The following DAPK1 variants were observed in gnomAD, a reference collection of about 807,000 sequenced individuals.
The protein encoded by DAPK1 is death associated protein kinase 1.
In DAPK1, 56 loss-of-function variants were observed where a neutral mutation model predicts 144.9. The observed-to-expected ratio is 0.39, with a 90% confidence interval of 0.31 to 0.48. The LOEUF (loss-of-function observed/expected upper bound fraction) is 0.48. Ranked by LOEUF, DAPK1 falls within the 20% of genes least tolerant of loss-of-function variation. The probability of loss-of-function intolerance (pLI) is 0.95; values close to 1 mark genes in which losing one functional copy is unlikely to be tolerated. For missense variants in DAPK1, 1,454 were observed against 1,875.4 expected (o/e 0.78, Z 4.15); for synonymous variants, 690 against 749.0 (o/e 0.92, Z 1.29).
chr9:87,668,478 C>T (rs1453176949), intron 18 of DAPK1, 119 bp from the exon 19 acceptor site: 1 of 737,266 alleles, frequency 1.4e-6, no homozygotes, highest in South Asian at 1.5e-5. Flanking sequence ...CTTTGTCCAC[C>T]TGGCTTGCTT....
intron 3 of DAPK1, among the ~76,000 whole-genome samples, chr9:87,607,298 T>C (rs969282189): frequency 3.9e-5 from 6 of 152,176 alleles, no homozygotes; most frequent in East Asian, 1.9e-4. Context: ...AGCCTACATT[T>C]CCTGCCTTAA....
At chr9:87,500,537 C>T (rs773963558) in intron 2 of DAPK1, among the ~76,000 whole-genome samples, 4 of 151,916 alleles carry the variant, frequency 2.6e-5, no homozygotes, top group East Asian at 1.9e-4. Context: ...GTGGCCTGAT[C>T]GTTTAAGTGT....
Position 87,706,715 on chromosome 9 carries a change from T to C in DAPK1, c.3644T>C (p.Val1215Ala). The C allele has an allele frequency of 6.2e-7, 1 of 1,611,660 alleles. No individual in the cohort carries two copies. Among genetic ancestry groups the C allele is most frequent in the Non-Finnish European group, 8.5e-7 (1 of 1,178,478 alleles). Reference protein sequence around the residue: ...KIKCCLLLDSVCSTIENVMAT... With the variant: ...KIKCCLLLDSACSTIENVMAT... Reference sequence around the variant, plus strand: ...AAGTGCTGCCTGCTGCTGGACTCGGTGTGCAGCACCATTGAGAACGTCATG... The same window carrying C: ...AAGTGCTGCCTGCTGCTGGACTCGGCGTGCAGCACCATTGAGAACGTCATG... The change falls in exon 26 of 26, where the codon GTG becomes GCG. Residue 1215 changes from valine to alanine, a missense_variant. This residue lies in a region of DAPK1 where 1,025 missense variants were observed against 1,237.9 expected (regional missense o/e 0.83). Transcript: ENST00000408954. The surrounding 1 kb of genome is among the most constrained non-coding windows in gnomAD (Gnocchi z 9.0).
At chr9:87,655,340 G>A (rs1200385538) in intron 17 of DAPK1, among the ~76,000 whole-genome samples, 34 of 152,078 alleles carry the variant, frequency 2.2e-4, no homozygotes. Flanking sequence ...AAGGGTTGCT[G>A]TCAGGCTTGT....
rs1830016231 is a variant in DAPK1, at chr9:87,639,386, C to T, written c.456C>T (p.Val152=). The T allele has an allele frequency of 3.1e-6, 5 of 1,611,044 alleles. No homozygotes were observed. Among genetic ancestry groups the T allele is most frequent in the Non-Finnish European group, 4.2e-6 (5 of 1,179,064 alleles). ...ACATAATGCTTTTGGATAGAAATGT[C>T]CCCAAACCTCGGATCAAGATCATTG... ...PENIMLLDRN[V]PKPRIKIIDF... The change falls in exon 5 of 26, where the codon GTC becomes GTT. Residue 152 remains valine (V), a synonymous_variant. Transcript: ENST00000408954.
At chr9:87,698,287 G>GCA (rs1825329088) in intron 22 of DAPK1, 2 of 178,072 alleles carry the variant, frequency 1.1e-5, no homozygotes, top group South Asian at 2.9e-4. Flanking sequence ...CCATCTCTGT[G>GCA]GTGTTGCTGC....
At chr9:87,660,785 C>A (rs905924129) in intron 18 of DAPK1, among the ~76,000 whole-genome samples, 1 of 152,182 alleles carries the variant, frequency 6.6e-6, no homozygotes, top group Non-Finnish European at 1.5e-5. Flanking sequence ...CCTCCATTTC[C>A]ATCCATGTTG....
chr9:87,512,006 C>G lies in DAPK1; in HGVS notation c.62+12867C>G, dbSNP rs532690202. Among the ~76,000 whole-genome samples the G allele has an allele frequency of 1.4e-4, 22 of 152,112 alleles. 1 individual carries two copies. The highest frequency in any genetic ancestry group is 4.6e-4 in the African/African-American group (19 of 41,482). On this transcript the variant is annotated intron_variant, in intron 2 of 25. Transcript: ENST00000408954. ...GGATTGCAGGTGTGAGCCACCACGC[C>G]CGGCCTGATTTTATTTTTCTAGCTT...
At chr9:87,548,913 C>CTTTTTTTTTTTTTTTTTT in intron 2 of DAPK1, among the ~76,000 whole-genome samples, 1 of 63,846 alleles carries the variant, frequency 1.6e-5, no homozygotes, top group Non-Finnish European at 2.6e-5. Flanking sequence ...GATTTCATTC[C>CTTTTTTTTTTTTTTTTTT]TTTTTTTTTT....
intron 19 of DAPK1, among the ~76,000 whole-genome samples, chr9:87,670,247 T>C (rs1831210363): frequency 6.6e-6 from 1 of 151,858 alleles, no homozygotes; most frequent in African/African-American, 2.4e-5. Flanking sequence ...TCATAGAGTT[T>C]CCTAAGTTTA....
At chr9:87,640,872 T>G in intron 9 of DAPK1, 25 bp downstream of exon 9, 1 of 1,611,412 alleles carries the variant, frequency 6.2e-7, no homozygotes, top group Non-Finnish European at 8.5e-7. Context: ...ACGAAACTGT[T>G]TAGATCACTT....
chr9:87,547,234 A>G (rs1029236938), intron 2 of DAPK1, among the ~76,000 whole-genome samples: 5 of 152,220 alleles, frequency 3.3e-5, no homozygotes, highest in African/African-American at 9.6e-5. Flanking sequence ...AAAATAATCA[A>G]TAAAATCCTG....
intron 2 of DAPK1, among the ~76,000 whole-genome samples, chr9:87,589,498 G>C (rs1176137210): frequency 6.6e-6 from 1 of 152,032 alleles, no homozygotes; most frequent in Non-Finnish European, 1.5e-5. Context: ...CCATCAGCAG[G>C]GAGATTACAC....
intron 3 of DAPK1, among the ~76,000 whole-genome samples, chr9:87,616,914 A>G (rs915452364): frequency 9.9e-5 from 15 of 152,226 alleles, no homozygotes; most frequent in Non-Finnish European, 2.1e-4. Context: ...TTCAGTCTCT[A>G]TGAGCAGCCT....
chr9:87,661,649 C>T (rs532957444), intron 18 of DAPK1, among the ~76,000 whole-genome samples: 113 of 152,106 alleles, frequency 7.4e-4, no homozygotes, highest in Non-Finnish European at 1.3e-3. Flanking sequence ...TGTCCTTAGC[C>T]CACTTTTAAG....
At position 87,707,359 on chromosome 9, in the gene DAPK1, C is replaced by T. The variant is rs781391671; in HGVS notation, c.4288C>T (p.Arg1430Trp). 8.2e-6 allele frequency: 13 copies of T among 1,594,896 alleles called. No individual in the cohort carries two copies. Among genetic ancestry groups the T allele is most frequent in the Admixed American group, 1.7e-5 (1 of 59,244 alleles). ...CAATTCCATTAGCTCTGTTGTATCC[C>T]GGTGAGGGCAGCCTCTGGCTTGGGC... Reference protein sequence around the residue: ...SYNSISSVVSR With the variant: ...SYNSISSVVSW Residue 1430 changes from arginine to tryptophan, a missense_variant, in exon 26 of 26, where the codon CGG (arginine) becomes TGG (tryptophan). By Grantham distance (101) the Arg-to-Trp change is moderately radical (BLOSUM62 -3). Transcript: ENST00000408954. This position sits in a 1 kb window ranked among gnomAD's most constrained non-coding sequence, Gnocchi z 4.0.
chr9:87,574,818 G>C (rs2118775075), intron 2 of DAPK1, among the ~76,000 whole-genome samples: 1 of 152,294 alleles, frequency 6.6e-6, no homozygotes, highest in South Asian at 2.1e-4. Context: ...GCTACTGGGA[G>C]GCTGAGGCAG....
At chr9:87,610,104 G>T (rs745857600) in intron 3 of DAPK1, among the ~76,000 whole-genome samples, 64 of 152,158 alleles carry the variant, frequency 4.2e-4, no homozygotes, top group Admixed American at 2.6e-4. Context: ...CCCAGTCCAG[G>T]ATCTGCCCTT....
At chr9:87,611,212 A>G (rs1300281731) in intron 3 of DAPK1, among the ~76,000 whole-genome samples, 1 of 152,222 alleles carries the variant, frequency 6.6e-6, no homozygotes, top group South Asian at 2.1e-4. Context: ...CTTAAACTTT[A>G]GCATGCATCA....
Sources: gnomAD v4.1 joint callset for allele counts (sites outside exome capture counted in the v4.1 genomes callset) on GRCh38, gnomAD v4.1.1 for gene constraint, gnomAD v4.1.1 regional missense constraint, Gnocchi (gnomAD v3.1) non-coding constraint, MANE v1.5 for transcripts, NCBI Gene and HGNC (gene_info 2026-07-23, HGNC 2026-07-21) for gene names.